The following AGAP3 variants were observed in gnomAD, a reference collection of about 807,000 sequenced individuals.
AGAP3 encodes ArfGAP with GTPase domain, ankyrin repeat and PH domain 3, also known as arf-GAP with GTPase, ANK repeat and PH domain-containing protein 3.
Under a neutral mutation model 96.9 loss-of-function variants are expected in AGAP3, and 24 were observed. The ratio of observed to expected loss-of-function variants is 0.25; its 90% CI spans 0.18 to 0.35. AGAP3 has a LOEUF of 0.35. AGAP3 is among the 10% of genes least tolerant of loss of function. AGAP3 has a pLI of 1.00. For synonymous variants in AGAP3, 563 were observed against 536.1 expected, an observed-to-expected ratio of 1.05 and a Z score of -0.69; for missense variants, 876 against 1,254.2, an observed-to-expected ratio of 0.70 and a Z score of 4.55.
chr7:151,138,032 G>A (rs1226833109), intron 11 of AGAP3, 111 bp from the exon 12 acceptor site: 8 of 868,430 alleles, frequency 9.2e-6, no homozygotes, highest in Non-Finnish European at 1.4e-5. Flanking sequence ...TGAACCCAGT[G>A]CCCTGCTGAA....
intron 1 of AGAP3, among the ~76,000 whole-genome samples, chr7:151,100,975 C>T (rs1354388812): frequency 2.0e-5 from 3 of 152,246 alleles, no homozygotes; most frequent in African/African-American, 4.8e-5. Context: ...CCTGTCCCAC[C>T]TGCAGCCCCC....
At chr7:151,107,051 T>G (rs1799085059) in intron 1 of AGAP3, among the ~76,000 whole-genome samples, 2 of 152,328 alleles carry the variant, frequency 1.3e-5, no homozygotes, top group Non-Finnish European at 2.9e-5. Context: ...GGCTCACGCC[T>G]GTAATCCCAG....
chr7:151,140,146 C>T lies in AGAP3; in HGVS notation c.1804+30C>T. The T allele has an allele frequency of 1.3e-6, 2 of 1,542,158 alleles. No individual in the cohort carries two copies. The highest frequency in any genetic ancestry group is 1.4e-5 in the African/African-American group (1 of 72,068). ...GGGGGACCCAGAGGGAAACCGGGCA[C>T]AGGAGGTGGGCAGTGGGACTTGGGG... On this transcript the variant is annotated intron_variant, in intron 13 of 17. Coordinates refer to ENST00000397238, the MANE Select transcript of AGAP3 (RefSeq NM_031946.7). The surrounding 1 kb of genome is among the most constrained non-coding windows in gnomAD (Gnocchi z 5.4).
At chr7:151,123,059 A>G (rs1484137513) in intron 8 of AGAP3, 2 of 1,267,466 alleles carry the variant, frequency 1.6e-6, no homozygotes, top group African/African-American at 1.6e-5. Context: ...GGCGCTGGCC[A>G]GCGCGACGAG....
intron 10 of AGAP3, among the ~76,000 whole-genome samples, chr7:151,129,161 G>A (rs1393191564): frequency 6.6e-6 from 1 of 152,020 alleles, no homozygotes; most frequent in African/African-American, 2.4e-5. Context: ...TGTCCCAGCT[G>A]GGGGGTGTTG....
intron 1 of AGAP3, among the ~76,000 whole-genome samples, chr7:151,109,403 G>A (rs1273567541): frequency 6.6e-6 from 1 of 152,174 alleles, no homozygotes; most frequent in Non-Finnish European, 1.5e-5. Context: ...TGAGATAAAG[G>A]TGTGGGCAAG....
Position 151,143,748 on chromosome 7 carries a change from C to A in AGAP3, c.2541C>A (p.Asp847Glu). 6.2e-7 allele frequency: 1 copy of A among 1,614,154 alleles called. No individual in the cohort carries two copies. Among genetic ancestry groups the A allele is most frequent in the South Asian group, 1.1e-5 (1 of 91,074 alleles). The change falls in exon 18 of 18, where the codon GAC becomes GAA. Residue 847 changes from aspartate (D) to glutamate (E), a missense_variant. Coordinates refer to ENST00000397238, the MANE Select transcript of AGAP3 (RefSeq NM_031946.7). The surrounding 1 kb of genome is among the most constrained non-coding windows in gnomAD (Gnocchi z 5.9). Reference sequence around the variant, plus strand: ...GTTTTCTCCTACAGTACGGGGTGGACGTGAGGAGCCGGGACGCCCGGGGCC... The same window carrying A: ...GTTTTCTCCTACAGTACGGGGTGGAAGTGAGGAGCCGGGACGCCCGGGGCC... Reference protein sequence around the residue: ...FTQLLIWYGVDVRSRDARGLT... With the variant: ...FTQLLIWYGVEVRSRDARGLT...
chr7:151,090,513 G>A (rs973248178), intron 1 of AGAP3: 1 of 152,028 alleles, frequency 6.6e-6, no homozygotes, highest in African/African-American at 2.4e-5. Context: ...GCCTGCCCTG[G>A]GCTGTGGGCT....
At chr7:151,120,621 CT>C in intron 8 of AGAP3, 1 of 1,293,988 alleles carries the variant, frequency 7.7e-7, no homozygotes, top group Non-Finnish European at 1.0e-6. Flanking sequence ...CCTTCCGGCT[CT>C]TTTTCCGTTA....
rs1010019096 is a variant in AGAP3, at chr7:151,140,351, ATTC to A, written c.1804+238_1804+240del. On this transcript the variant is annotated intron_variant, in intron 13 of 17. Coordinates refer to ENST00000397238, the MANE Select transcript of AGAP3 (RefSeq NM_031946.7). This position sits in a 1 kb window ranked among gnomAD's most constrained non-coding sequence, Gnocchi z 5.4. ...GTTGAAATGTGGGCTTACTTCATTT[ATTC>A]TTAAGGTAAAAGACAGCAGACTGCT... 1.7e-4 allele frequency: 66 copies of A among 395,138 alleles called. No homozygotes were observed. Among genetic ancestry groups the A allele is most frequent in the Admixed American group, 3.4e-4 (7 of 20,874 alleles). The allele number at this position is 395,138 out of a possible 1,614,324, so 24.5% of individuals were successfully genotyped here. A position where few individuals can be genotyped will look rare whatever the true frequency, so the allele number is the denominator to read the frequency against.
intron 8 of AGAP3, chr7:151,120,536 C>G: frequency 1.0e-6 from 1 of 970,498 alleles, no homozygotes; most frequent in South Asian, 1.3e-5. Context: ...AACCGGCGGC[C>G]GGAAGGCTGT....
At chr7:151,116,189 G>A (rs1799573281) in intron 1 of AGAP3, 1 of 152,640 alleles carries the variant, frequency 6.6e-6, no homozygotes, top group African/African-American at 2.4e-5. Flanking sequence ...TGAAGGGAAG[G>A]GAGCCCAGGA....
chr7:151,134,511 C>T lies in AGAP3; in HGVS notation c.1438C>T (p.Pro480Ser), dbSNP rs373597896. The T allele has an allele frequency of 3.1e-6, 5 of 1,613,134 alleles. No homozygotes were observed. The African/African-American group carries it at 6.7e-5, about 22-fold the overall frequency. The change falls in exon 11 of 18, where the codon CCC becomes TCC. Residue 480 changes from proline to serine, a missense_variant. This residue lies in a region of AGAP3 where 63 missense variants were observed against 114.5 expected (regional missense o/e 0.55). Transcript: ENST00000397238. ...ACCTGCCACAGCCCCGGGCACCAGC[C>T]CCCGTGCCAACGGGCTGTCCGTGGA... is the stretch of plus-strand genomic sequence containing the variant. Reference protein sequence around the residue: ...ATPATAPGTSPRANGLSVERS... With the variant: ...ATPATAPGTSSRANGLSVERS...
intron 1 of AGAP3, among the ~76,000 whole-genome samples, chr7:151,111,153 G>T (rs1291960241): frequency 1.3e-5 from 2 of 152,196 alleles, no homozygotes; most frequent in African/African-American, 2.4e-5. Flanking sequence ...GCTCAGTGGC[G>T]GGTGTGTGGC....
chr7:151,090,247 G>C (rs998195605), intron 1 of AGAP3: 2 of 152,182 alleles, frequency 1.3e-5, no homozygotes, highest in Non-Finnish European at 2.9e-5. Flanking sequence ...GGGGGGGGGG[G>C]GCTCCCGCCT....
intron 11 of AGAP3, among the ~76,000 whole-genome samples, chr7:151,135,468 G>A (rs1472367978): frequency 1.3e-5 from 2 of 152,224 alleles, no homozygotes; most frequent in Non-Finnish European, 2.9e-5. Context: ...GGTGGTTGGG[G>A]ATACGACATC....
intron 2 of AGAP3, 50 bp downstream of exon 2, chr7:151,116,901 G>A (rs751864740): frequency 6.2e-7 from 1 of 1,609,872 alleles, no homozygotes; most frequent in South Asian, 1.1e-5. Flanking sequence ...GGGGGGGCGA[G>A]GCTGGGTGCC....
chr7:151,137,771 C>A, intron 11 of AGAP3: 1 of 271,658 alleles, frequency 3.7e-6, no homozygotes, highest in Non-Finnish European at 6.9e-6. Context: ...CATATGTGGA[C>A]TAGAATGGAG....
At chr7:151,136,800 A>T (rs1215745870) in intron 11 of AGAP3, among the ~76,000 whole-genome samples, 1 of 152,148 alleles carries the variant, frequency 6.6e-6, no homozygotes, top group African/African-American at 2.4e-5. Flanking sequence ...GAAGGGAATG[A>T]AAGCAGGGGT....
Sources: gnomAD v4.1 joint callset for allele counts (sites outside exome capture counted in the v4.1 genomes callset) on GRCh38, gnomAD v4.1.1 for gene constraint, gnomAD v4.1.1 regional missense constraint, Gnocchi (gnomAD v3.1) non-coding constraint, MANE v1.5 for transcripts, NCBI Gene and HGNC (gene_info 2026-07-23, HGNC 2026-07-21) for gene names.